RFTN1: variants seen among roughly 807,000 people sequenced by gnomAD.
RFTN1 encodes raftlin.
Under a neutral mutation model 46.5 loss-of-function variants are expected in RFTN1, and 26 were observed. That is an observed-to-expected ratio of 0.56 (90% CI 0.41 to 0.78). The LOEUF (loss-of-function observed/expected upper bound fraction) is 0.78, where lower values mean the gene tolerates loss of function less well. Among genes scored for constraint, RFTN1 ranks in the 30% least tolerant of loss-of-function variants. The probability of loss-of-function intolerance (pLI) is 0.00; values close to 1 mark genes in which losing one functional copy is unlikely to be tolerated. For synonymous variants in RFTN1, 261 were observed against 284.2 expected, an observed-to-expected ratio of 0.92 and a Z score of 0.82; for missense variants, 693 against 718.7, an observed-to-expected ratio of 0.96 and a Z score of 0.41.
Position 16,316,074 on chromosome 3 carries a change from C to T in RFTN1, c.*754G>A, listed in dbSNP as rs141978812. ...TTAAAATAGCACATAACAAGGGCGCCAGCCAGTCCCGATGCCCTGAAGTGA... is the reference window on the plus strand; with the variant it reads ...TTAAAATAGCACATAACAAGGGCGCTAGCCAGTCCCGATGCCCTGAAGTGA... On this transcript the variant is annotated 3_prime_UTR_variant, in exon 10 of 10. Transcript: ENST00000334133. This position sits in a 1 kb window ranked among gnomAD's most constrained non-coding sequence, Gnocchi z 4.5. 6.5e-6 allele frequency: 1 copy of T among 152,842 alleles called. No individual in the cohort carries two copies. Among genetic ancestry groups the T allele is most frequent in the East Asian group, 1.9e-4 (1 of 5,192 alleles). 9.5% of individuals were successfully genotyped at this position (152,842 alleles called of 1,614,324 possible).
intron 1 of RFTN1, among the ~76,000 whole-genome samples, chr3:16,501,610 C>G (rs1164961422): frequency 1.3e-5 from 2 of 152,210 alleles, no homozygotes; most frequent in African/African-American, 4.8e-5. Context: ...TGCAATGATG[C>G]TGGATCAGCT....
In RFTN1 at chr3:16,393,664, A is replaced by AT. The variant is rs4035508; in HGVS notation, c.442-15563dup. ...TAAGCTGATGGACTTTTTTTTTTTAATTTTTTTTTTTTCAGATGGAGTCTT... is the reference window on the plus strand; with the variant it reads ...TAAGCTGATGGACTTTTTTTTTTTAATTTTTTTTTTTTTCAGATGGAGTCTT... On this transcript the variant is annotated intron_variant, in intron 4 of 9. Transcript: ENST00000334133. Among the ~76,000 whole-genome samples the AT allele has an allele frequency of 0.015, 2,114 of 145,700 alleles. 127 individuals are homozygous for AT. In the East Asian group the frequency reaches 0.16, roughly 11 times the overall value.
intron 7 of RFTN1, among the ~76,000 whole-genome samples, chr3:16,350,486 G>T (rs1248253001): frequency 2.2e-5 from 3 of 138,900 alleles, no homozygotes; most frequent in South Asian, 2.3e-4. Flanking sequence ...AAGCTGAGAT[G>T]AATCACTTTT....
chr3:16,412,424 G>A (rs1336899618), intron 3 of RFTN1, among the ~76,000 whole-genome samples: 2 of 152,214 alleles, frequency 1.3e-5, no homozygotes, highest in African/African-American at 4.8e-5. Context: ...AGAAGGCACA[G>A]TCACACAGAA....
chr3:16,407,016 TC>T lies in RFTN1; in HGVS notation c.441+2358del, dbSNP rs1462459924. Among the ~76,000 whole-genome samples the T allele has an allele frequency of 7.2e-5, 11 of 152,180 alleles. No individual in the cohort carries two copies. The highest frequency in any genetic ancestry group is 6.5e-4 in the Admixed American group (10 of 15,280). On this transcript the variant is annotated intron_variant, in intron 4 of 9. Coordinates refer to ENST00000334133, the MANE Select transcript of RFTN1 (RefSeq NM_015150.2). This position sits in a 1 kb window ranked among gnomAD's most constrained non-coding sequence, Gnocchi z 4.0. ...TAAAAACCCTAACTTTGAGGGCCTT[TC>T]CCACTGGACAGATGGACATCTCCAC...
intron 2 of RFTN1, among the ~76,000 whole-genome samples, chr3:16,438,585 C>CAAAAAAAAAAAAAAA (rs61019061): frequency 6.6e-5 from 2 of 30,444 alleles, no homozygotes; most frequent in Non-Finnish European, 1.1e-4. Flanking sequence ...AACTCTGTCT[C>CAAAAAAAAAAAAAAA]AAAAAAAAAA....
In RFTN1 at chr3:16,381,178, A is replaced by G. The variant is rs749424321; in HGVS notation, c.442-3076T>C. Among the ~76,000 whole-genome samples the G allele has an allele frequency of 1.3e-5, 2 of 152,236 alleles. No homozygotes were observed. The highest frequency in any genetic ancestry group is 2.9e-5 in the Non-Finnish European group (2 of 68,038). ...TACACTTTATTATGACAACTATGTA[A>G]TACACATACATAAACTATGCATAAA... On this transcript the variant is annotated intron_variant, in intron 4 of 9. Coordinates refer to ENST00000334133, the MANE Select transcript of RFTN1 (RefSeq NM_015150.2). This position sits in a 1 kb window ranked among gnomAD's most constrained non-coding sequence, Gnocchi z 4.2.
Position 16,450,647 on chromosome 3 carries a change from A to C in RFTN1, c.146-16610T>G, listed in dbSNP as rs1276082158. Among the ~76,000 whole-genome samples the C allele has an allele frequency of 3.9e-5, 6 of 152,258 alleles. No individual in the cohort carries two copies. Among genetic ancestry groups the C allele is most frequent in the Admixed American group, 2.6e-4 (4 of 15,286 alleles). On this transcript the variant is annotated intron_variant, in intron 2 of 9. Transcript: ENST00000334133. This position sits in a 1 kb window ranked among gnomAD's most constrained non-coding sequence, Gnocchi z 4.6. Reference sequence around the variant, plus strand: ...GCTCCTGAGGCAGGACAGGCACCCCAAACCAGGATTAAAACAATAAGTTTA... The same window carrying C: ...GCTCCTGAGGCAGGACAGGCACCCCCAACCAGGATTAAAACAATAAGTTTA...
At chr3:16,497,279 C>A (rs536497804) in intron 1 of RFTN1, among the ~76,000 whole-genome samples, 1 of 152,162 alleles carries the variant, frequency 6.6e-6, no homozygotes, top group Non-Finnish European at 1.5e-5. Context: ...CCAACAATAA[C>A]GTGAGGATGG....
chr3:16,349,324 T>C (rs1416450284), intron 7 of RFTN1: 1 of 152,216 alleles, frequency 6.6e-6, no homozygotes, highest in Non-Finnish European at 1.5e-5. Flanking sequence ...TGGAGGCAAC[T>C]AAGGAAAACC....
intron 2 of RFTN1, among the ~76,000 whole-genome samples, chr3:16,469,220 A>G (rs2076151777): frequency 6.6e-6 from 1 of 152,276 alleles, no homozygotes; most frequent in South Asian, 2.1e-4. Flanking sequence ...TAAAATGTGC[A>G]TAATCATAGT....
chr3:16,332,838 TCTAC>T (rs10662085), intron 7 of RFTN1, among the ~76,000 whole-genome samples: 4 of 151,300 alleles, frequency 2.6e-5, no homozygotes, highest in Non-Finnish European at 4.4e-5. Context: ...CATCGATTTA[TCTAC>T]CTACCTACCT....
rs1371709444 is a variant in RFTN1, at chr3:16,480,996, CAG to C, written c.145+12727_145+12728del. On this transcript the variant is annotated intron_variant, in intron 2 of 9. Transcript: ENST00000334133. The surrounding 1 kb of genome is among the most constrained non-coding windows in gnomAD (Gnocchi z 4.3). ...ACATATGCACATGCACACACACACA[CAG>C]ACACACACACACACACACACACACA... Among the ~76,000 whole-genome samples the C allele has an allele frequency of 1.6e-5, 2 of 123,644 alleles. No individual in the cohort carries two copies. The highest frequency in any genetic ancestry group is 6.0e-5 in the African/African-American group (2 of 33,194). 81.1% of individuals were successfully genotyped at this position (123,644 alleles called of 152,430 possible). A position where few individuals can be genotyped will look rare whatever the true frequency, so the allele number is the denominator to read the frequency against.
At chr3:16,371,914 C>A (rs1517517) in intron 5 of RFTN1, among the ~76,000 whole-genome samples, 3 of 151,984 alleles carry the variant, frequency 2.0e-5, no homozygotes, top group Non-Finnish European at 4.4e-5. Context: ...AGAAATGGAG[C>A]GACACAGAGG....
Position 16,459,059 on chromosome 3 carries a change from C to T in RFTN1, c.146-25022G>A, listed in dbSNP as rs533655713. Reference sequence around the variant, plus strand: ...AGGTGATTCTCCCACCTCAGCCTCCCGAGTAGCTGGGACCACAGGTGTGCA... The same window carrying T: ...AGGTGATTCTCCCACCTCAGCCTCCTGAGTAGCTGGGACCACAGGTGTGCA... On this transcript the variant is annotated intron_variant, in intron 2 of 9. Coordinates refer to ENST00000334133, the MANE Select transcript of RFTN1 (RefSeq NM_015150.2). This position sits in a 1 kb window ranked among gnomAD's most constrained non-coding sequence, Gnocchi z 4.2. 8.5e-5 allele frequency among the ~76,000 whole-genome samples: 13 copies of T among 152,206 alleles called. No homozygotes were observed. In the East Asian group the frequency reaches 1.5e-3, roughly 18 times the overall value.
chr3:16,491,940 A>G (rs2076544834), intron 2 of RFTN1, among the ~76,000 whole-genome samples: 1 of 152,200 alleles, frequency 6.6e-6, no homozygotes, highest in South Asian at 2.1e-4. Flanking sequence ...GTAGGCACTT[A>G]AAAATTCACT....
rs2068378194 is a variant in RFTN1, at chr3:16,316,240, TTAC to T, written c.*585_*587del. 1 of 154,118 alleles carries T rather than the reference TTAC, an allele frequency of 6.5e-6. No homozygotes were observed. Among genetic ancestry groups the T allele is most frequent in the Non-Finnish European group, 1.4e-5 (1 of 69,174 alleles). 9.5% of individuals were successfully genotyped at this position (154,118 alleles called of 1,614,324 possible). A position where few individuals can be genotyped will look rare whatever the true frequency, so the allele number is the denominator to read the frequency against. On this transcript the variant is annotated 3_prime_UTR_variant, in exon 10 of 10. Coordinates refer to ENST00000334133, the MANE Select transcript of RFTN1 (RefSeq NM_015150.2). The surrounding 1 kb of genome is among the most constrained non-coding windows in gnomAD (Gnocchi z 4.5). ...ACAGAATTACTTCTTCATTTCCAGA[TTAC>T]CAGTATCTATAGGACTATTTTGAGA...
At chr3:16,354,904 G>A (rs1047570834) in intron 7 of RFTN1, among the ~76,000 whole-genome samples, 1 of 152,144 alleles carries the variant, frequency 6.6e-6, no homozygotes, top group African/African-American at 2.4e-5. Context: ...CTTCCACAAA[G>A]CGCTAGGACA....
rs774394500 is a variant in RFTN1, at chr3:16,507,722, C to T, written c.-9+5720G>A. Among the ~76,000 whole-genome samples the T allele has an allele frequency of 6.6e-5, 10 of 151,222 alleles. No individual in the cohort carries two copies. Among genetic ancestry groups the T allele is most frequent in the Non-Finnish European group, 1.0e-4 (7 of 67,836 alleles). On this transcript the variant is annotated intron_variant, in intron 1 of 9. Coordinates refer to ENST00000334133, the MANE Select transcript of RFTN1 (RefSeq NM_015150.2). The surrounding 1 kb of genome is among the most constrained non-coding windows in gnomAD (Gnocchi z 7.1). ...ACACATACATACACATACACACATACACACAAACACATACACACATACATG... is the reference window on the plus strand; with the variant it reads ...ACACATACATACACATACACACATATACACAAACACATACACACATACATG...
Sources: allele counts gnomAD v4.1 joint callset (sites outside exome capture counted in the v4.1 genomes callset), GRCh38; gene constraint gnomAD v4.1.1; non-coding constraint Gnocchi (gnomAD v3.1); transcripts MANE v1.5; gene names NCBI Gene and HGNC (gene_info 2026-07-23, HGNC 2026-07-21).